The following PLCB1 variants were observed in gnomAD, a reference collection of about 807,000 sequenced individuals.
The protein encoded by PLCB1 is phospholipase C beta 1.
In PLCB1, 46 loss-of-function variants were observed where a neutral mutation model predicts 161.8. That is an observed-to-expected ratio of 0.28 (90% CI 0.22 to 0.36). The LOEUF (loss-of-function observed/expected upper bound fraction) is 0.36. Among genes scored for constraint, PLCB1 ranks in the 10% least tolerant of loss-of-function variants. The pLI, the probability that PLCB1 is intolerant of heterozygous loss-of-function variation, is 1.00. For synonymous variants in PLCB1, 517 were observed against 503.7 expected, an observed-to-expected ratio of 1.03 and a Z score of -0.35; for missense variants, 1,016 against 1,472.5, an observed-to-expected ratio of 0.69 and a Z score of 5.07.
chr20:8,518,292 G>A (rs1425056224), intron 3 of PLCB1, among the ~76,000 whole-genome samples: 1 of 152,158 alleles, frequency 6.6e-6, no homozygotes, highest in Non-Finnish European at 1.5e-5. Context: ...ATTGACTAAT[G>A]AATCCCAACA....
At chr20:8,180,054 T>G (rs2051825069) in intron 2 of PLCB1, among the ~76,000 whole-genome samples, 1 of 151,708 alleles carries the variant, frequency 6.6e-6, no homozygotes, top group African/African-American at 2.4e-5. Context: ...GAGATGGGGT[T>G]TCACCGTTTT....
At chr20:8,276,012 T>A (rs1395981470) in intron 2 of PLCB1, among the ~76,000 whole-genome samples, 1 of 152,202 alleles carries the variant, frequency 6.6e-6, no homozygotes, top group Non-Finnish European at 1.5e-5. Flanking sequence ...TCCTCTTGAT[T>A]TATTTTTTCT....
intron 3 of PLCB1, among the ~76,000 whole-genome samples, chr20:8,372,391 A>G (rs1390799051): frequency 6.6e-6 from 1 of 152,220 alleles, no homozygotes; most frequent in South Asian, 2.1e-4. Context: ...TCAGAGGCGT[A>G]AAAAGGCAGT....
Position 8,422,474 on chromosome 20 carries a change from A to G in PLCB1, c.246+51024A>G, listed in dbSNP as rs183193388. On this transcript the variant is annotated intron_variant, in intron 3 of 31. Coordinates refer to ENST00000338037, the MANE Select transcript of PLCB1 (RefSeq NM_015192.4). Reference sequence around the variant, plus strand: ...AAGGGCCCCTTCTCAGGTATTAGAAATGGTCTATATATTGATAGGGGTTAC... The same window carrying G: ...AAGGGCCCCTTCTCAGGTATTAGAAGTGGTCTATATATTGATAGGGGTTAC... Among the ~76,000 whole-genome samples the G allele has an allele frequency of 3.3e-5, 5 of 152,324 alleles. No homozygotes were observed. The East Asian group carries it at 7.7e-4, about 23-fold the overall frequency.
chr20:8,590,451 G>GTT, intron 3 of PLCB1, among the ~76,000 whole-genome samples: 1 of 151,442 alleles, frequency 6.6e-6, no homozygotes, highest in East Asian at 1.9e-4. Context: ...CTCTTTGGTA[G>GTT]TTTTTTTTTG....
intron 3 of PLCB1, among the ~76,000 whole-genome samples, chr20:8,537,599 G>T (rs1985106363): frequency 6.6e-6 from 1 of 152,082 alleles, no homozygotes; most frequent in African/African-American, 2.4e-5. Flanking sequence ...GCTCATGCCT[G>T]ACTAGCTACC....
intron 1 of PLCB1, among the ~76,000 whole-genome samples, chr20:8,137,389 G>T (rs1382211228): frequency 6.6e-6 from 1 of 152,222 alleles, no homozygotes. Flanking sequence ...GTAGCTGGCT[G>T]ATGTGGATGG....
At chr20:8,854,996 G>A (rs548065950) in intron 31 of PLCB1, among the ~76,000 whole-genome samples, 144 of 152,262 alleles carry the variant, frequency 9.5e-4, no homozygotes, top group Non-Finnish European at 1.6e-3. Context: ...ATAACATAAC[G>A]GAGAGGGGAA....
intron 3 of PLCB1, among the ~76,000 whole-genome samples, chr20:8,531,748 C>A (rs891839583): frequency 6.6e-6 from 1 of 151,522 alleles, no homozygotes; most frequent in Non-Finnish European, 1.5e-5. Context: ...ATAAATTCAT[C>A]CAGATTAAAA....
At chr20:8,203,558 G>A (rs898991623) in intron 2 of PLCB1, among the ~76,000 whole-genome samples, 6 of 152,020 alleles carry the variant, frequency 3.9e-5, no homozygotes, top group East Asian at 1.9e-4. Flanking sequence ...TCACCAGGCC[G>A]GGGGTGGGGT....
At chr20:8,342,629 T>G (rs1985849265) in intron 2 of PLCB1, among the ~76,000 whole-genome samples, 1 of 152,184 alleles carries the variant, frequency 6.6e-6, no homozygotes, top group Non-Finnish European at 1.5e-5. Context: ...CTGGCAAGCC[T>G]GAATAGCCCG....
chr20:8,411,850 C>A (rs944909775), intron 3 of PLCB1, among the ~76,000 whole-genome samples: 1 of 152,064 alleles, frequency 6.6e-6, no homozygotes, highest in Non-Finnish European at 1.5e-5. Context: ...ATGATGAAAC[C>A]CCATCTCTAC....
chr20:8,443,271 C>G (rs914182375), intron 3 of PLCB1, among the ~76,000 whole-genome samples: 1 of 152,134 alleles, frequency 6.6e-6, no homozygotes, highest in Admixed American at 6.5e-5. Flanking sequence ...TGAGCCACAG[C>G]ACCTGGCCAT....
intron 31 of PLCB1, among the ~76,000 whole-genome samples, chr20:8,842,673 A>G (rs1259268117): frequency 6.6e-6 from 1 of 152,146 alleles, no homozygotes. Flanking sequence ...TACAGCTCTA[A>G]GGGGGTATGA....
chr20:8,170,321 T>C (rs943950067), intron 2 of PLCB1, among the ~76,000 whole-genome samples: 3 of 152,172 alleles, frequency 2.0e-5, no homozygotes, highest in Admixed American at 2.0e-4. Flanking sequence ...TTTTACTTGA[T>C]ATTTACAGAG....
intron 3 of PLCB1, among the ~76,000 whole-genome samples, chr20:8,443,277 G>A (rs1185178942): frequency 1.3e-5 from 2 of 152,100 alleles, no homozygotes; most frequent in Non-Finnish European, 2.9e-5. Context: ...ACAGCACCTG[G>A]CCATCTCGTG....
At chr20:8,379,142 C>T (rs1160848278) in intron 3 of PLCB1, among the ~76,000 whole-genome samples, 2 of 152,048 alleles carry the variant, frequency 1.3e-5, no homozygotes, top group African/African-American at 4.8e-5. Context: ...TGACATTCCC[C>T]TCCCTGTGTC....
chr20:8,330,078 C>T (rs2122188139), intron 2 of PLCB1, among the ~76,000 whole-genome samples: 1 of 152,268 alleles, frequency 6.6e-6, no homozygotes, highest in East Asian at 1.9e-4. Context: ...AAGATTCCAT[C>T]CCCCTGATTC....
chr20:8,439,731 T>G lies in PLCB1; in HGVS notation c.246+68281T>G, dbSNP rs61230913. ...TTCTACATTCTGCCTTATGCTTGAT[T>G]TAAGCTTTTTTCCCTTCTTTTCACT... On this transcript the variant is annotated intron_variant, in intron 3 of 31. Coordinates refer to ENST00000338037, the MANE Select transcript of PLCB1 (RefSeq NM_015192.4). Among the ~76,000 whole-genome samples, 1,168 of 152,332 alleles carry G rather than the reference T, an allele frequency of 7.7e-3. 20 individuals are homozygous for G. Among genetic ancestry groups the G allele is most frequent in the African/African-American group, 0.026 (1,092 of 41,580 alleles).
Sources: allele counts gnomAD v4.1 joint callset (sites outside exome capture counted in the v4.1 genomes callset), GRCh38; gene constraint gnomAD v4.1.1; transcripts MANE v1.5; gene names NCBI Gene and HGNC (gene_info 2026-07-23, HGNC 2026-07-21).